The following MAX variants were observed in gnomAD, a reference collection of about 807,000 sequenced individuals.
MAX encodes the protein MYC associated transcriptional regulator X.
A neutral mutation model predicts 22.3 loss-of-function variants in MAX; 3 were observed. The ratio of observed to expected loss-of-function variants is 0.13; its 90% CI spans 0.06 to 0.35. The LOEUF is 0.35. Ranked by LOEUF, MAX falls within the 10% of genes least tolerant of loss-of-function variation. The pLI is 1.00. For synonymous variants in MAX, 72 were observed against 77.7 expected (o/e 0.93, Z 0.39); for missense variants, 119 against 209.4 (o/e 0.57, Z 2.66).
Position 65,028,735 on chromosome 14 carries a change from G to T in MAX, c.172-22451C>A, listed in dbSNP as rs1566554175. On this transcript the variant is annotated intron_variant, in intron 3 of 3. Transcript: ENST00000341653. This position sits in a 1 kb window ranked among gnomAD's most constrained non-coding sequence, Gnocchi z 4.4. ...AACCAAAAAAATTAGATTAGGATCT[G>T]TGTATACCAGTGAAACCAGTAGAAC... Among the ~76,000 whole-genome samples, 1 of 152,202 alleles carries T rather than the reference G, an allele frequency of 6.6e-6. No homozygotes were observed. The highest frequency in any genetic ancestry group is 2.4e-5 in the African/African-American group (1 of 41,452).
intron 3 of MAX, among the ~76,000 whole-genome samples, chr14:65,051,643 G>A (rs1285598243): frequency 6.6e-6 from 1 of 151,764 alleles, no homozygotes; most frequent in Non-Finnish European, 1.5e-5. Context: ...ATATTCAACA[G>A]TTTAATATTT....
At chr14:65,015,773 GA>G in intron 3 of MAX, 1 of 1,580,704 alleles carries the variant, frequency 6.3e-7, no homozygotes, top group Non-Finnish European at 8.7e-7. Flanking sequence ...TTGAGTTTGG[GA>G]TTTTGTTTTG....
At position 65,077,254 on chromosome 14, in the gene MAX, G is replaced by T; in HGVS notation, c.296-591C>A. On this transcript the variant is annotated intron_variant, in intron 4 of 4. Transcript: ENST00000358664. This position sits in a 1 kb window ranked among gnomAD's most constrained non-coding sequence, Gnocchi z 6.3. ...GACACCACCCACTGCCCATCCCTTG[G>T]TTCAGCTCAGCTTGAGCCTGGAAGG... is the stretch of plus-strand genomic sequence containing the variant. 9.9e-7 allele frequency: 1 copy of T among 1,009,652 alleles called. No homozygotes were observed. Among genetic ancestry groups the T allele is most frequent in the Non-Finnish European group, 1.5e-6 (1 of 658,512 alleles). The allele number at this position is 1,009,652 out of a possible 1,614,324, so 62.5% of individuals were successfully genotyped here.
rs1408075325 is a variant in MAX at position 65,044,335 on chromosome 14, C to A, written c.172-38051G>T. On this transcript the variant is annotated intron_variant, in intron 3 of 3. Coordinates refer to the MAX transcript ENST00000341653. This position sits in a 1 kb window ranked among gnomAD's most constrained non-coding sequence, Gnocchi z 5.5. ...GCAATGGGTGACAAGCCGGCAGATGCGATTTGAAGGAGGATTTCAGGGCCG... is the reference window on the plus strand; with the variant it reads ...GCAATGGGTGACAAGCCGGCAGATGAGATTTGAAGGAGGATTTCAGGGCCG... 1.9e-6 allele frequency: 3 copies of A among 1,613,402 alleles called. No individual in the cohort carries two copies. The highest frequency in any genetic ancestry group is 2.2e-5 in the East Asian group (1 of 44,848).
chr14:65,022,026 A>C, intron 3 of MAX: 1 of 456,044 alleles, frequency 2.2e-6, no homozygotes, highest in South Asian at 1.5e-5. Flanking sequence ...TGAAGAGTCA[A>C]ATAACACGTC....
At position 65,006,435 on chromosome 14, in the gene MAX, C is replaced by T. The variant is rs574461884; in HGVS notation, c.172-151G>A. 322 of 1,298,350 alleles carry T rather than the reference C, an allele frequency of 2.5e-4. 1 individual carries two copies. The highest frequency in any genetic ancestry group is 3.2e-4 in the Non-Finnish European group (304 of 957,220). 80.4% of individuals were successfully genotyped at this position (1,298,350 alleles called of 1,614,324 possible). On this transcript the variant is annotated intron_variant, in intron 3 of 3. Coordinates refer to the MAX transcript ENST00000341653. The stretch of plus-strand genomic sequence containing the variant: ...GATACAGCTAGAGATTAGCAAATGA[C>T]GCCATTTATTTAAATAGCTTGGGAG...
chr14:65,055,067 C>T (rs974965927), intron 3 of MAX, among the ~76,000 whole-genome samples: 1 of 152,260 alleles, frequency 6.6e-6, no homozygotes, highest in African/African-American at 2.4e-5. Flanking sequence ...GTACAGCCTG[C>T]CGCGTCTCTC....
chr14:65,019,230 T>C lies in MAX; in HGVS notation c.172-12946A>G, dbSNP rs561144283. Among the ~76,000 whole-genome samples, 4 of 152,166 alleles carry C rather than the reference T, an allele frequency of 2.6e-5. No homozygotes were observed. The East Asian group carries it at 5.8e-4, about 22-fold the overall frequency. On this transcript the variant is annotated intron_variant, in intron 3 of 3. Coordinates refer to the MAX transcript ENST00000341653. ...GGCTGGATGTAGTGGCTCATGGCTG[T>C]AATCCCAGGACTTTGAGAGGCTGAG...
chr14:65,080,372 AT>A (rs1477436026), intron 3 of MAX, among the ~76,000 whole-genome samples: 1 of 152,224 alleles, frequency 6.6e-6, no homozygotes, highest in Non-Finnish European at 1.5e-5. Context: ...AAGGGACCTT[AT>A]TAGGGTTTAT....
chr14:65,055,943 T>C (rs1029484603), intron 3 of MAX, among the ~76,000 whole-genome samples: 5 of 152,198 alleles, frequency 3.3e-5, no homozygotes, highest in Non-Finnish European at 5.9e-5. Flanking sequence ...TTCCAGGCCC[T>C]AATTATTTCC....
chr14:65,053,967 C>T (rs971500057), intron 3 of MAX, among the ~76,000 whole-genome samples: 1 of 152,124 alleles, frequency 6.6e-6, no homozygotes, highest in African/African-American at 2.4e-5. Flanking sequence ...TAGTACTGCC[C>T]CTGGAGAGCC....
intron 2 of MAX, among the ~76,000 whole-genome samples, chr14:65,098,534 T>C (rs548594104): frequency 9.4e-4 from 143 of 152,054 alleles, no homozygotes; most frequent in Non-Finnish European, 1.8e-3. Flanking sequence ...CACTAACCCA[T>C]ACATTTCCTG....
At chr14:65,024,017 A>T (rs2061934952) in intron 3 of MAX, among the ~76,000 whole-genome samples, 1 of 151,614 alleles carries the variant, frequency 6.6e-6, no homozygotes, top group Admixed American at 6.6e-5. Flanking sequence ...GAGGAGAATC[A>T]CTTGAACCCA....
Position 65,077,726 on chromosome 14 carries a change from C to G in MAX, c.295+187G>C. 1.3e-6 allele frequency: 2 copies of G among 1,595,788 alleles called. No homozygotes were observed. The highest frequency in any genetic ancestry group is 1.7e-6 in the Non-Finnish European group (2 of 1,172,500). Reference sequence around the variant, plus strand: ...AACTTCCTAGCTTCCACTGTCTCCTCACTGGCGCCTCAGGTCCTTCCTCAG... The same window carrying G: ...AACTTCCTAGCTTCCACTGTCTCCTGACTGGCGCCTCAGGTCCTTCCTCAG... On this transcript the variant is annotated intron_variant, in intron 4 of 4. Transcript: ENST00000358664. The surrounding 1 kb of genome is among the most constrained non-coding windows in gnomAD (Gnocchi z 6.3).
chr14:65,078,370 T>C lies in MAX; in HGVS notation c.172-334A>G, dbSNP rs1050715402. On this transcript the variant is annotated intron_variant, in intron 3 of 4. Coordinates refer to ENST00000358664, the MANE Select transcript of MAX (RefSeq NM_002382.5). The surrounding 1 kb of genome is among the most constrained non-coding windows in gnomAD (Gnocchi z 6.4). ...GTGTGCGCCACCACGCCCATCTAAT[T>C]TTTTTGTATTTTTAGTAGAAATGCG... is the stretch of plus-strand genomic sequence containing the variant. 1.3e-5 allele frequency among the ~76,000 whole-genome samples: 2 copies of C among 151,730 alleles called. No individual in the cohort carries two copies. The highest frequency in any genetic ancestry group is 4.2e-4 in the South Asian group (2 of 4,804).
chr14:65,029,917 A>G lies in MAX; in HGVS notation c.172-23633T>C, dbSNP rs943834489. ...GGAGGGAGAGAGAGCAGGAAGACTG[A>G]TCCAGGTTGAAGAAGGCTTGGATTT... On this transcript the variant is annotated intron_variant, in intron 3 of 3. Transcript: ENST00000341653. The surrounding 1 kb of genome is among the most constrained non-coding windows in gnomAD (Gnocchi z 4.7). Among the ~76,000 whole-genome samples, 22 of 152,208 alleles carry G rather than the reference A, an allele frequency of 1.4e-4. No individual in the cohort carries two copies. Among genetic ancestry groups the G allele is most frequent in the African/African-American group, 5.1e-4 (21 of 41,456 alleles).
Position 65,075,557 on chromosome 14 carries a change from T to A in MAX, c.*919A>T, listed in dbSNP as rs1402265201. ...ACGGGAAGAAAGAAAGATTTCATCATTACTTTATGAATCTGTCGCTTTGCA... is the reference window on the plus strand; with the variant it reads ...ACGGGAAGAAAGAAAGATTTCATCAATACTTTATGAATCTGTCGCTTTGCA... On this transcript the variant is annotated 3_prime_UTR_variant, in exon 5 of 5. Coordinates refer to ENST00000358664, the MANE Select transcript of MAX (RefSeq NM_002382.5). The surrounding 1 kb of genome is among the most constrained non-coding windows in gnomAD (Gnocchi z 4.1). 2.8e-6 allele frequency: 3 copies of A among 1,065,898 alleles called. No individual in the cohort carries two copies. The African/African-American group carries it at 4.9e-5, about 17-fold the overall frequency. 66.0% of individuals were successfully genotyped at this position (1,065,898 alleles called of 1,614,324 possible).
At position 65,048,040 on chromosome 14, in the gene MAX, T is replaced by A. The variant is rs138613901; in HGVS notation, c.172-41756A>T. Among the ~76,000 whole-genome samples the A allele has an allele frequency of 2.7e-3, 355 of 133,420 alleles. 1 individual carries two copies. Among genetic ancestry groups the A allele is most frequent in the Middle Eastern group, 4.9e-3 (1 of 204 alleles). The allele number at this position is 133,420 out of a possible 152,430, so 87.5% of individuals were successfully genotyped here. Reference sequence around the variant, plus strand: ...TCTCACTCTGTTGCTGAGGCTGGAGTGCAGTGGTGCAATCTCGGCTCACTG... The same window carrying A: ...TCTCACTCTGTTGCTGAGGCTGGAGAGCAGTGGTGCAATCTCGGCTCACTG... On this transcript the variant is annotated intron_variant, in intron 3 of 3. Transcript: ENST00000341653.
chr14:65,076,766 T>TTGGCCCCCGAGGCTCAAGATGCTCAGAAG lies in MAX; in HGVS notation c.296-132_296-104dup. On this transcript the variant is annotated intron_variant, in intron 4 of 4. Coordinates refer to ENST00000358664, the MANE Select transcript of MAX (RefSeq NM_002382.5). This position sits in a 1 kb window ranked among gnomAD's most constrained non-coding sequence, Gnocchi z 6.6. Reference sequence around the variant, plus strand: ...CCTGTTCTTCCTAAGGGCTTGCTTGTTGGCCCCCGAGGCTCAAGATGCTCA... The same window carrying TTGGCCCCCGAGGCTCAAGATGCTCAGAAG: ...CCTGTTCTTCCTAAGGGCTTGCTTGTTGGCCCCCGAGGCTCAAGATGCTCAGAAGTGGCCCCCGAGGCTCAAGATGCTCA... The TTGGCCCCCGAGGCTCAAGATGCTCAGAAG allele has an allele frequency of 7.1e-7, 1 of 1,416,726 alleles. No homozygotes were observed. The highest frequency in any genetic ancestry group is 1.4e-5 in the African/African-American group (1 of 71,130). The allele number at this position is 1,416,726 out of a possible 1,614,324, so 87.8% of individuals were successfully genotyped here.
Sources: allele counts gnomAD v4.1 joint callset (sites outside exome capture counted in the v4.1 genomes callset), GRCh38; gene constraint gnomAD v4.1.1; non-coding constraint Gnocchi (gnomAD v3.1); transcripts MANE v1.5; gene names NCBI Gene and HGNC (gene_info 2026-07-23, HGNC 2026-07-21).